The following LGR6 variants were observed in gnomAD, a reference collection of about 807,000 sequenced individuals.
LGR6 encodes the protein leucine rich repeat containing G protein-coupled receptor 6.
In LGR6, 45 loss-of-function variants were observed where a neutral mutation model predicts 69.4. The observed-to-expected ratio is 0.65, with a 90% confidence interval of 0.51 to 0.83. The LOEUF is 0.83. Among genes scored for constraint, LGR6 ranks in the 40% least tolerant of loss-of-function variants. The probability of loss-of-function intolerance (pLI) is 0.00; values close to 1 mark genes in which losing one functional copy is unlikely to be tolerated. For missense variants in LGR6, 1,108 were observed against 1,246.7 expected (o/e 0.89, Z 1.68); for synonymous variants, 538 against 555.0 (o/e 0.97, Z 0.43).
chr1:202,300,984 G>A (rs1667546132), intron 8 of LGR6, 64 bp downstream of exon 8: 2 of 1,479,446 alleles, frequency 1.4e-6, no homozygotes, highest in Non-Finnish European at 1.9e-6. Flanking sequence ...GACAGAGGAT[G>A]GGAAGGCAGG....
intron 15 of LGR6, 22 bp downstream of exon 15, chr1:202,309,198 A>G: frequency 6.2e-7 from 1 of 1,613,008 alleles, no homozygotes; most frequent in Non-Finnish European, 8.5e-7. Context: ...GCTTTCCCCA[A>G]CACCTGGGTA....
chr1:202,238,072 GTTTTT>G (rs910777300), intron 4 of LGR6, among the ~76,000 whole-genome samples: 1 of 151,374 alleles, frequency 6.6e-6, no homozygotes, highest in Non-Finnish European at 1.5e-5. Flanking sequence ...ATCCTCCGCC[GTTTTT>G]TTGTTTTGTT....
At chr1:202,214,083 CGA>C in intron 1 of LGR6, 1 of 1,373,752 alleles carries the variant, frequency 7.3e-7, no homozygotes, top group Non-Finnish European at 9.4e-7. Context: ...AGCGGCAGAA[CGA>C]GAGAGGATCA....
At chr1:202,259,655 GT>G (rs1664060611) in intron 4 of LGR6, among the ~76,000 whole-genome samples, 1 of 151,960 alleles carries the variant, frequency 6.6e-6, no homozygotes, top group African/African-American at 2.4e-5. Flanking sequence ...TGTTTCCATT[GT>G]TCTCCTTCTT....
chr1:202,204,735 AC>A (rs1659035503), intron 1 of LGR6, among the ~76,000 whole-genome samples: 3 of 67,138 alleles, frequency 4.5e-5, no homozygotes, highest in Admixed American at 1.9e-4. Context: ...CTTCAAACAC[AC>A]ACACACCTCC....
At chr1:202,304,438 A>C (rs1033964883) in intron 10 of LGR6, 121 bp from the exon 11 acceptor site, 6 of 557,266 alleles carry the variant, frequency 1.1e-5, no homozygotes, top group South Asian at 7.0e-5. Flanking sequence ...CTCTCCCTCC[A>C]TTTCTCTCTT....
intron 8 of LGR6, 104 bp from the exon 9 acceptor site, chr1:202,301,060 C>G: frequency 2.2e-6 from 3 of 1,362,370 alleles, no homozygotes; most frequent in Non-Finnish European, 3.1e-6. Context: ...CCTGCATGTT[C>G]TTTCCTGGGT....
intron 4 of LGR6, among the ~76,000 whole-genome samples, chr1:202,265,039 G>A (rs1242348540): frequency 6.6e-6 from 1 of 152,190 alleles, no homozygotes; most frequent in African/African-American, 2.4e-5. Context: ...ATAAATCAAA[G>A]CTGATGAAAT....
chr1:202,307,653 C>T (rs1207422457), intron 14 of LGR6, among the ~76,000 whole-genome samples: 2 of 152,178 alleles, frequency 1.3e-5, no homozygotes, highest in Non-Finnish European at 2.9e-5. Flanking sequence ...CAGCCCTCCT[C>T]ATCCCCCCTG....
intron 5 of LGR6, 39 bp from the exon 6 acceptor site, chr1:202,280,742 G>C (rs78608628): frequency 1.9e-6 from 3 of 1,598,896 alleles, no homozygotes; most frequent in Non-Finnish European, 2.6e-6. Flanking sequence ...CCCCAGTGCC[G>C]TGGGCACCCA....
chr1:202,235,830 C>A, intron 3 of LGR6, 92 bp from the exon 4 acceptor site: 1 of 1,071,992 alleles, frequency 9.3e-7, no homozygotes, highest in Non-Finnish European at 1.4e-6. Flanking sequence ...AGGGGTCTGG[C>A]TTGGGACTGG....
intron 6 of LGR6, among the ~76,000 whole-genome samples, chr1:202,295,520 G>A (rs1168462384): frequency 6.6e-6 from 1 of 152,110 alleles, no homozygotes; most frequent in African/African-American, 2.4e-5. Flanking sequence ...AGAGGCCATT[G>A]CTTTCATCCC....
chr1:202,217,498 A>G (rs552236355), intron 1 of LGR6, among the ~76,000 whole-genome samples: 1 of 152,190 alleles, frequency 6.6e-6, no homozygotes, highest in Admixed American at 6.5e-5. Flanking sequence ...CTCTCCCCTG[A>G]CTTTTAGGAA....
At chr1:202,223,547 G>C (rs775156679) in intron 1 of LGR6, among the ~76,000 whole-genome samples, 3 of 152,006 alleles carry the variant, frequency 2.0e-5, no homozygotes, top group African/African-American at 4.8e-5. Context: ...CCTCAAGAAG[G>C]CTTGGGGGCA....
chr1:202,200,420 G>A (rs545693031), intron 1 of LGR6, among the ~76,000 whole-genome samples: 70 of 152,308 alleles, frequency 4.6e-4, no homozygotes, highest in Non-Finnish European at 7.5e-4. Flanking sequence ...CTGAGGGGCC[G>A]TGAGGATCCT....
chr1:202,196,480 C>T (rs530033989), intron 1 of LGR6, among the ~76,000 whole-genome samples: 139 of 152,242 alleles, frequency 9.1e-4, no homozygotes, highest in African/African-American at 3.2e-3. Context: ...AGCACAGATT[C>T]GCATCTGATG....
intron 1 of LGR6, among the ~76,000 whole-genome samples, chr1:202,215,230 A>T (rs1659697685): frequency 6.6e-6 from 1 of 151,696 alleles, no homozygotes; most frequent in South Asian, 2.2e-4. Flanking sequence ...AAGGAGCTTC[A>T]GCTAAACAAA....
intron 1 of LGR6, among the ~76,000 whole-genome samples, chr1:202,211,603 C>T (rs1010196361): frequency 6.6e-6 from 1 of 152,212 alleles, no homozygotes; most frequent in South Asian, 2.1e-4. Context: ...TCCAGTGATC[C>T]GCCTGCCTTG....
intron 5 of LGR6, 135 bp downstream of exon 5, chr1:202,276,656 G>A: frequency 1.4e-6 from 1 of 697,088 alleles, no homozygotes; most frequent in South Asian, 1.9e-5. Flanking sequence ...GCCTCCCTTT[G>A]GAAAAGCATG....
Sources: gnomAD v4.1 joint callset for allele counts (sites outside exome capture counted in the v4.1 genomes callset) on GRCh38, gnomAD v4.1.1 for gene constraint, MANE v1.5 for transcripts, NCBI Gene and HGNC (gene_info 2026-07-23, HGNC 2026-07-21) for gene names.